The following OR8B12 variants were observed in gnomAD, a reference collection of about 807,000 sequenced individuals.
OR8B12 encodes olfactory receptor family 8 subfamily B member 12.
For synonymous variants in OR8B12, 152 were observed against 148.8 expected (o/e 1.02, Z -0.16); for missense variants, 383 against 376.4 (o/e 1.02, Z -0.14).
chr11:124,542,908 A>C lies in OR8B12; in HGVS notation c.747T>G (p.Leu249=). 6.2e-7 allele frequency: 1 copy of C among 1,614,016 alleles called. No individual in the cohort carries two copies. Among genetic ancestry groups the C allele is most frequent in the Non-Finnish European group, 8.5e-7 (1 of 1,179,978 alleles). Reference sequence around the variant, plus strand: ...ACATGAAAGCACCAGAACCAAAGAAAAGAGAAACTACAATTATGTGGGAAC... The same window carrying C: ...ACATGAAAGCACCAGAACCAAAGAACAGAGAAACTACAATTATGTGGGAAC... ...TCSSHIIVVS[L]FFGSGAFMYL... Residue 249 remains leucine (L), a synonymous_variant, in exon 1 of 1, where the codon CTT becomes CTG. Transcript: ENST00000306842.
rs763511286 is a variant in OR8B12, at chr11:124,543,218, C to G, written c.437G>C (p.Gly146Ala). Residue 146 changes from glycine to alanine, a missense_variant, in exon 1 of 1, where the codon GGT becomes GCT. Gly to Ala is a moderately conservative substitution (Grantham distance 60). Coordinates refer to ENST00000306842, the MANE Select transcript of OR8B12 (RefSeq NM_001005195.1). ...CCCAGCAAACCCCATCCCATAGGCACCCAACAAAAGGAGCAAACACACCTG... is the reference window on the plus strand; with the variant it reads ...CCCAGCAAACCCCATCCCATAGGCAGCCAACAAAAGGAGCAAACACACCTG... ...SCQVCLLLLL[G>A]AYGMGFAGAM... 4 of 1,614,016 alleles carry G rather than the reference C, an allele frequency of 2.5e-6. No individual in the cohort carries two copies. The East Asian group carries it at 8.9e-5, about 36-fold the overall frequency.
In OR8B12 at chr11:124,543,621, T is replaced by G. The variant is rs149207463; in HGVS notation, c.34A>C (p.Ile12Leu). The G allele has an allele frequency of 3.6e-4, 588 of 1,613,128 alleles. No homozygotes were observed. Among genetic ancestry groups the G allele is most frequent in the Non-Finnish European group, 4.3e-4 (511 of 1,179,658 alleles). The change falls in exon 1 of 1, where the codon ATC (isoleucine) becomes CTC (leucine). Residue 12 changes from isoleucine (I) to leucine (L), a missense_variant. Physicochemically the swap from Ile to Leu is conservative, Grantham distance 5. Transcript: ENST00000306842. ...AAKNSSVTEF[I>L]LEGLTHQPGL... Reference sequence around the variant, plus strand: ...GGCTGGTGGGTTAAGCCTTCGAGGATAAACTCTGTCACAGAAGAGTTTTTG... The same window carrying G: ...GGCTGGTGGGTTAAGCCTTCGAGGAGAAACTCTGTCACAGAAGAGTTTTTG...
rs745810160 is a variant in OR8B12, at chr11:124,543,073, A to G, written c.582T>C (p.Asn194=). Residue 194 remains asparagine (N), a synonymous_variant, in exon 1 of 1, where the codon AAT becomes AAC. Transcript: ENST00000306842. ...CCACCACAATAAAGACCACCAGCTC[A>G]TTCATGTAAGAGCTGTTGCAGGAGA... The part of the protein sequence containing the change: ...LELSCNSSYM[N]ELVVFIVVAV... 11 of 1,612,092 alleles carry G rather than the reference A, an allele frequency of 6.8e-6. No individual in the cohort carries two copies. The highest frequency in any genetic ancestry group is 9.3e-6 in the Non-Finnish European group (11 of 1,178,174).
chr11:124,543,508 C>T lies in OR8B12; in HGVS notation c.147G>A (p.Gly49=), dbSNP rs1405125999. ...VGNLGLITLI[G]LNSHLHTPMY... ...TGGGAGTGTGCAGGTGAGAGTTCAG[C>T]CCAATCAGGGTTATCAAGCCCAGGT... is the stretch of plus-strand genomic sequence containing the variant. The change falls in exon 1 of 1, where the codon GGG becomes GGA. Residue 49 remains glycine, a synonymous_variant. Coordinates refer to ENST00000306842, the MANE Select transcript of OR8B12 (RefSeq NM_001005195.1). 6.2e-7 allele frequency: 1 copy of T among 1,614,036 alleles called. No homozygotes were observed. The highest frequency in any genetic ancestry group is 2.2e-5 in the East Asian group (1 of 44,866).
In OR8B12 at chr11:124,543,249, A is replaced by T; in HGVS notation, c.406T>A (p.Ser136Thr). 8 of 1,614,136 alleles carry T rather than the reference A, an allele frequency of 5.0e-6. No individual in the cohort carries two copies. The highest frequency in any genetic ancestry group is 6.8e-6 in the Non-Finnish European group (8 of 1,180,014). The change falls in exon 1 of 1, where the codon TCT (serine) becomes ACT (threonine). Residue 136 changes from serine to threonine, a missense_variant. Physicochemically the swap from Ser to Thr is moderately conservative, Grantham distance 58. Coordinates refer to ENST00000306842, the MANE Select transcript of OR8B12 (RefSeq NM_001005195.1). ...CNPLLYTVTM[S>T]CQVCLLLLLG... is the part of the protein sequence containing the mutation. ...AAAAGGAGCAAACACACCTGGCAAG[A>T]CATGGTGACTGTGTACAACAGTGGG... is the stretch of plus-strand genomic sequence containing the variant.
rs549372512 is a variant in OR8B12, at chr11:124,542,948, G to A, written c.707C>T (p.Ala236Val). 1.5e-5 allele frequency: 24 copies of A among 1,613,604 alleles called. 1 individual carries two copies. The South Asian group carries it at 2.2e-4, about 15-fold the overall frequency. ...TATGTGGGAACTGCAAGTACTAAAG[G>A]CTTTGGACCTGCCTTCTGTAGAACT... The part of the protein sequence containing the change: ...HNSSTEGRSK[A>V]FSTCSSHIIV... The change falls in exon 1 of 1, where the codon GCC becomes GTC. Residue 236 changes from alanine to valine, a missense_variant. Transcript: ENST00000306842.
rs373356291 is a variant in OR8B12, at chr11:124,543,493, C to T, written c.162G>A (p.Leu54=). The change falls in exon 1 of 1, where the codon CTG becomes CTA. Residue 54 remains leucine, a synonymous_variant. Transcript: ENST00000306842. The part of the protein sequence containing the change: ...LITLIGLNSH[L]HTPMYFFLFN... ...AAAGGAAGAAGTACATGGGAGTGTG[C>T]AGGTGAGAGTTCAGCCCAATCAGGG... 1.2e-5 allele frequency: 19 copies of T among 1,614,014 alleles called. No individual in the cohort carries two copies. The East Asian group carries it at 4.2e-4, about 36-fold the overall frequency.
chr11:124,542,993 AG>A lies in OR8B12; in HGVS notation c.661del (p.Leu221SerfsTer24). On this transcript the variant is annotated frameshift_variant, in exon 1 of 1. Transcript: ENST00000306842. LOFTEE classifies it low-confidence loss of function (END_TRUNC). ...AGAACTGTTGTGTAGAATGCTGGAGAGGATGAGGGCATAAGAAATAAAGACA... is the reference window on the plus strand; with the variant it reads ...AGAACTGTTGTGTAGAATGCTGGAGAGATGAGGGCATAAGAAATAAAGACA... ...VTVFISYALI[L>X]SSILHNSSTE... The A allele has an allele frequency of 1.2e-6, 2 of 1,613,770 alleles. No homozygotes were observed. The highest frequency in any genetic ancestry group is 1.7e-6 in the Non-Finnish European group (2 of 1,179,890).
rs374139726 is a variant in OR8B12 at position 124,542,916 on chromosome 11, C to A, written c.739G>T (p.Val247Phe). ...FSTCSSHIIVVSLFFGSGAFM... is the reference protein window; with the variant it reads ...FSTCSSHIIVFSLFFGSGAFM... ...GCACCAGAACCAAAGAAAAGAGAAA[C>A]TACAATTATGTGGGAACTGCAAGTA... The change falls in exon 1 of 1, where the codon GTT becomes TTT. Residue 247 changes from valine (V) to phenylalanine (F), a missense_variant. By Grantham distance (50) the Val-to-Phe change is conservative. Transcript: ENST00000306842. The A allele has an allele frequency of 6.2e-6, 10 of 1,613,818 alleles. No individual in the cohort carries two copies. The highest frequency in any genetic ancestry group is 1.3e-5 in the African/African-American group (1 of 74,896).
In OR8B12 at chr11:124,542,772, C is replaced by G. The variant is rs1270126759; in HGVS notation, c.883G>C (p.Asp295His). The change falls in exon 1 of 1, where the codon GAT becomes CAT. Residue 295 changes from aspartate (D) to histidine (H), a missense_variant. Coordinates refer to ENST00000306842, the MANE Select transcript of OR8B12 (RefSeq NM_001005195.1). ...NPLIYSLRNKDVKVALRRTLG... is the reference protein window; with the variant it reads ...NPLIYSLRNKHVKVALRRTLG... ...GTTCTCCTCAGGGCAACTTTGACAT[C>G]CTTGTTCCTCAAGCTATAGATTAAT... The G allele has an allele frequency of 1.2e-6, 2 of 1,608,848 alleles. No homozygotes were observed. Among genetic ancestry groups the G allele is most frequent in the Admixed American group, 1.7e-5 (1 of 59,254 alleles).
Position 124,543,288 on chromosome 11 carries a change from C to A in OR8B12, c.367G>T (p.Val123Leu). ...TACAACAGTGGGTTACAGATGGCCA[C>A]GTAGCGGTCATACGCCATCGCTGAC... is the stretch of plus-strand genomic sequence containing the variant. Reference protein sequence around the residue: ...ILSAMAYDRYVAICNPLLYTV... With the variant: ...ILSAMAYDRYLAICNPLLYTV... Residue 123 changes from valine to leucine, a missense_variant, in exon 1 of 1, where the codon GTG becomes TTG. By Grantham distance (32) the Val-to-Leu change is conservative (BLOSUM62 1). Transcript: ENST00000306842. 6.2e-7 allele frequency: 1 copy of A among 1,613,966 alleles called. No individual in the cohort carries two copies. The highest frequency in any genetic ancestry group is 1.1e-5 in the South Asian group (1 of 91,072).
rs1862384157 is a variant in OR8B12, at chr11:124,542,787, T to A, written c.868A>T (p.Ser290Cys). 5.0e-6 allele frequency: 8 copies of A among 1,612,330 alleles called. No homozygotes were observed. In the East Asian group the frequency reaches 1.8e-4, roughly 36 times the overall value. The change falls in exon 1 of 1, where the codon AGC becomes TGC. Residue 290 changes from serine (S) to cysteine (C), a missense_variant. Physicochemically the swap from Ser to Cys is moderately radical, Grantham distance 112. Coordinates refer to ENST00000306842, the MANE Select transcript of OR8B12 (RefSeq NM_001005195.1). ...IVPVLNPLIYSLRNKDVKVAL... is the reference protein window; with the variant it reads ...IVPVLNPLIYCLRNKDVKVAL... ...ACTTTGACATCCTTGTTCCTCAAGCTATAGATTAATGGGTTTAACACGGGG... is the reference window on the plus strand; with the variant it reads ...ACTTTGACATCCTTGTTCCTCAAGCAATAGATTAATGGGTTTAACACGGGG...
chr11:124,543,371 C>T lies in OR8B12; in HGVS notation c.284G>A (p.Gly95Glu). The change falls in exon 1 of 1, where the codon GGG becomes GAG. Residue 95 changes from glycine (G) to glutamate (E), a missense_variant. Transcript: ENST00000306842. ...VSRKNIISFT[G>E]CMTQLFFFCF... ...GAAGAAGAAGAGCTGAGTCATACAC[C>T]CTGTGAAGGAAATGATGTTCTTCCT... 6.2e-7 allele frequency: 1 copy of T among 1,614,024 alleles called. No individual in the cohort carries two copies. Among genetic ancestry groups the T allele is most frequent in the African/African-American group, 1.3e-5 (1 of 74,992 alleles).
At position 124,543,173 on chromosome 11, in the gene OR8B12, C is replaced by T; in HGVS notation, c.482G>A (p.Ser161Asn). ...GFAGAMAHTGSIMNLTFCADN... is the reference protein window; with the variant it reads ...GFAGAMAHTGNIMNLTFCADN... ...AGCACAGAAGGTCAGGTTCATTATGCTTCCTGTGTGGGCCATGGCCCCAGC... is the reference window on the plus strand; with the variant it reads ...AGCACAGAAGGTCAGGTTCATTATGTTTCCTGTGTGGGCCATGGCCCCAGC... Residue 161 changes from serine to asparagine, a missense_variant, in exon 1 of 1, where the codon AGC becomes AAC. By Grantham distance (46) the Ser-to-Asn change is conservative. Transcript: ENST00000306842. 1 of 1,614,074 alleles carries T rather than the reference C, an allele frequency of 6.2e-7. No homozygotes were observed. Among genetic ancestry groups the T allele is most frequent in the Non-Finnish European group, 8.5e-7 (1 of 1,179,990 alleles).
In OR8B12 at chr11:124,543,477, A is replaced by C; in HGVS notation, c.178T>G (p.Phe60Val). 1.2e-6 allele frequency: 2 copies of C among 1,614,154 alleles called. No individual in the cohort carries two copies. The highest frequency in any genetic ancestry group is 1.1e-5 in the South Asian group (1 of 91,078). Reference sequence around the variant, plus strand: ...ATTAAAGAGAGGTTAAAAAGGAAGAAGTACATGGGAGTGTGCAGGTGAGAG... The same window carrying C: ...ATTAAAGAGAGGTTAAAAAGGAAGACGTACATGGGAGTGTGCAGGTGAGAG... The part of the protein sequence containing the change: ...LNSHLHTPMY[F>V]FLFNLSLIDF... The change falls in exon 1 of 1, where the codon TTC (phenylalanine) becomes GTC (valine). Residue 60 changes from phenylalanine (F) to valine (V), a missense_variant. Phe to Val is a conservative substitution (Grantham distance 50). Coordinates refer to ENST00000306842, the MANE Select transcript of OR8B12 (RefSeq NM_001005195.1).
Position 124,543,439 on chromosome 11 carries a change from G to A in OR8B12, c.216C>T (p.Phe72=). Residue 72 remains phenylalanine (F), a synonymous_variant, in exon 1 of 1, where the codon TTC becomes TTT. Coordinates refer to ENST00000306842, the MANE Select transcript of OR8B12 (RefSeq NM_001005195.1). Reference sequence around the variant, plus strand: ...GCATTTTGGGAGTGATGGTAGTGGAGAAACAGAAATCTATTAAAGAGAGGT... The same window carrying A: ...GCATTTTGGGAGTGATGGTAGTGGAAAAACAGAAATCTATTAAAGAGAGGT... ...LFNLSLIDFC[F]STTITPKMLM... 3.1e-6 allele frequency: 5 copies of A among 1,614,076 alleles called. No individual in the cohort carries two copies. Among genetic ancestry groups the A allele is most frequent in the Non-Finnish European group, 4.2e-6 (5 of 1,179,958 alleles).
In OR8B12 at chr11:124,543,384, T is replaced by G; in HGVS notation, c.271A>C (p.Ile91Leu). The change falls in exon 1 of 1, where the codon ATT (isoleucine) becomes CTT (leucine). Residue 91 changes from isoleucine (I) to leucine (L), a missense_variant. Coordinates refer to ENST00000306842, the MANE Select transcript of OR8B12 (RefSeq NM_001005195.1). Reference protein sequence around the residue: ...LMSFVSRKNIISFTGCMTQLF... With the variant: ...LMSFVSRKNILSFTGCMTQLF... ...TGAGTCATACACCCTGTGAAGGAAA[T>G]GATGTTCTTCCTTGAGACAAAACTC... The G allele has an allele frequency of 6.2e-7, 1 of 1,613,988 alleles. No individual in the cohort carries two copies. Among genetic ancestry groups the G allele is most frequent in the Non-Finnish European group, 8.5e-7 (1 of 1,179,954 alleles).
In OR8B12 at chr11:124,543,416, A is replaced by G; in HGVS notation, c.239T>C (p.Met80Thr). The change falls in exon 1 of 1, where the codon ATG (methionine) becomes ACG (threonine). Residue 80 changes from methionine (M) to threonine (T), a missense_variant. Transcript: ENST00000306842. ...FCFSTTITPK[M>T]LMSFVSRKNI... ...CTTCCTTGAGACAAAACTCATCAGC[A>G]TTTTGGGAGTGATGGTAGTGGAGAA... is the stretch of plus-strand genomic sequence containing the variant. 6.2e-7 allele frequency: 1 copy of G among 1,614,044 alleles called. No homozygotes were observed. Among genetic ancestry groups the G allele is most frequent in the Non-Finnish European group, 8.5e-7 (1 of 1,179,926 alleles).
rs375814030 is a variant in OR8B12 at position 124,543,544 on chromosome 11, G to C, written c.111C>G (p.Thr37=). Residue 37 remains threonine, a synonymous_variant, in exon 1 of 1, where the codon ACC becomes ACG. Transcript: ENST00000306842. ...TTATCAAGCCCAGGTTCCCCACCACGGTGACCGTGTAGAAACCCAGAAACA... is the reference window on the plus strand; with the variant it reads ...TTATCAAGCCCAGGTTCCCCACCACCGTGACCGTGTAGAAACCCAGAAACA... ...FFLFLGFYTV[T]VVGNLGLITL... 29 of 1,613,950 alleles carry C rather than the reference G, an allele frequency of 1.8e-5. No individual in the cohort carries two copies. The highest frequency in any genetic ancestry group is 1.6e-4 in the African/African-American group (12 of 74,910).
Sources: allele counts gnomAD v4.1 joint callset, GRCh38; gene constraint gnomAD v4.1.1; transcripts MANE v1.5; gene names NCBI Gene and HGNC (gene_info 2026-07-23, HGNC 2026-07-21).